Variants in EPHA6 observed in about 807,000 individuals in gnomAD.
EPHA6 encodes ephrin type-A receptor 6.
Under a neutral mutation model 112.0 loss-of-function variants are expected in EPHA6, and 50 were observed. That is an observed-to-expected ratio of 0.45 (90% CI 0.36 to 0.56). EPHA6 has a LOEUF of 0.56. Among genes scored for constraint, EPHA6 ranks in the 20% least tolerant of loss-of-function variants. The probability of loss-of-function intolerance (pLI) is 0.00; values close to 1 mark genes in which losing one functional copy is unlikely to be tolerated. For synonymous variants in EPHA6, 529 were observed against 490.7 expected, an observed-to-expected ratio of 1.08 and a Z score of -1.03; for missense variants, 1,280 against 1,417.4, an observed-to-expected ratio of 0.90 and a Z score of 1.56.
At chr3:97,536,153 A>G in intron 11 of EPHA6, among the ~76,000 whole-genome samples, 1 of 152,198 alleles carries the variant, frequency 6.6e-6, no homozygotes, top group East Asian at 1.9e-4. Flanking sequence ...ACAGACTTGT[A>G]GCCATTAATA....
intron 5 of EPHA6, among the ~76,000 whole-genome samples, chr3:97,274,618 G>C (rs1262174073): frequency 1.3e-5 from 2 of 152,106 alleles, no homozygotes; most frequent in Admixed American, 1.3e-4. Context: ...CTTGTTGAGA[G>C]GTAGTGGAGG....
At chr3:97,285,802 G>A (rs2080445644) in intron 5 of EPHA6, among the ~76,000 whole-genome samples, 1 of 151,958 alleles carries the variant, frequency 6.6e-6, no homozygotes, top group Admixed American at 6.6e-5. Flanking sequence ...TTTATTTTGA[G>A]AAATCTTTAT....
At chr3:97,083,688 T>G (rs1193172346) in intron 3 of EPHA6, among the ~76,000 whole-genome samples, 1 of 152,040 alleles carries the variant, frequency 6.6e-6, no homozygotes, top group Non-Finnish European at 1.5e-5. Flanking sequence ...TTACCACTAC[T>G]TCAAATCTTT....
At chr3:96,996,908 T>C (rs924228569) in intron 3 of EPHA6, among the ~76,000 whole-genome samples, 1 of 152,068 alleles carries the variant, frequency 6.6e-6, no homozygotes, top group African/African-American at 2.4e-5. Context: ...TCCTTTCTAG[T>C]TACAAAAGGA....
chr3:97,462,106 T>C (rs573998134), intron 7 of EPHA6, among the ~76,000 whole-genome samples: 3 of 152,294 alleles, frequency 2.0e-5, no homozygotes, highest in African/African-American at 7.2e-5. Context: ...TAAATTCTGG[T>C]TCTGTCCTTT....
intron 3 of EPHA6, among the ~76,000 whole-genome samples, chr3:97,051,183 A>C (rs539410210): frequency 1.3e-5 from 2 of 152,194 alleles, no homozygotes; most frequent in Non-Finnish European, 2.9e-5. Context: ...TTTGTTTAAC[A>C]CTAAATAGTC....
At chr3:97,069,632 G>A (rs1001701923) in intron 3 of EPHA6, among the ~76,000 whole-genome samples, 1 of 152,014 alleles carries the variant, frequency 6.6e-6, no homozygotes, top group Non-Finnish European at 1.5e-5. Context: ...CACCCAAACA[G>A]CATCTGTATG....
intron 1 of EPHA6, among the ~76,000 whole-genome samples, chr3:96,849,914 A>G (rs915550283): frequency 1.3e-5 from 2 of 152,162 alleles, no homozygotes; most frequent in Non-Finnish European, 2.9e-5. Context: ...ATCATTCAAG[A>G]ATTGCCAGCT....
chr3:97,378,166 C>T (rs2085484843), intron 5 of EPHA6, among the ~76,000 whole-genome samples: 1 of 152,056 alleles, frequency 6.6e-6, no homozygotes. Flanking sequence ...TGCCCTGCGT[C>T]CCAGCCCCTT....
At chr3:97,435,403 A>G (rs1169022526) in intron 6 of EPHA6, among the ~76,000 whole-genome samples, 2 of 152,174 alleles carry the variant, frequency 1.3e-5, no homozygotes, top group Non-Finnish European at 2.9e-5. Context: ...AAAAATAGTT[A>G]ATTCATAAAA....
intron 5 of EPHA6, among the ~76,000 whole-genome samples, chr3:97,385,287 A>G (rs1246130091): frequency 6.6e-6 from 1 of 152,224 alleles, no homozygotes; most frequent in African/African-American, 2.4e-5. Context: ...GAAAAGGCAC[A>G]TTTGAACCAA....
At chr3:97,423,458 T>A (rs2088845583) in intron 6 of EPHA6, among the ~76,000 whole-genome samples, 1 of 151,968 alleles carries the variant, frequency 6.6e-6, no homozygotes, top group African/African-American at 2.4e-5. Context: ...AGGTGAAAGA[T>A]CTCTACAATG....
intron 10 of EPHA6, among the ~76,000 whole-genome samples, chr3:97,499,430 T>G (rs1351602854): frequency 6.6e-6 from 1 of 152,184 alleles, no homozygotes; most frequent in Non-Finnish European, 1.5e-5. Flanking sequence ...ATACAAAACA[T>G]ACAAACAGCA....
In EPHA6 at chr3:97,316,687, A is replaced by T. The variant is rs552208483; in HGVS notation, c.1606+72400A>T. ...GAACTATTGACATTTTTCAGCTAAA[A>T]TGCCAACTCTAATGTGAAATCAACT... On this transcript the variant is annotated intron_variant, in intron 5 of 17. Coordinates refer to ENST00000389672, the MANE Select transcript of EPHA6 (RefSeq NM_001080448.3). Among the ~76,000 whole-genome samples, 2 of 152,096 alleles carry T rather than the reference A, an allele frequency of 1.3e-5. 1 individual carries two copies. Among genetic ancestry groups the T allele is most frequent in the African/African-American group, 4.8e-5 (2 of 41,492 alleles).
chr3:97,478,977 T>G (rs1369012665), intron 8 of EPHA6, among the ~76,000 whole-genome samples: 2 of 152,160 alleles, frequency 1.3e-5, no homozygotes, highest in Non-Finnish European at 2.9e-5. Flanking sequence ...TCAAAATGCT[T>G]TTTTTATTTT....
At chr3:97,031,485 A>G in intron 3 of EPHA6, among the ~76,000 whole-genome samples, 1 of 152,186 alleles carries the variant, frequency 6.6e-6, no homozygotes, top group Non-Finnish European at 1.5e-5. Flanking sequence ...ACAGCAAAAG[A>G]AACCACCATC....
intron 10 of EPHA6, among the ~76,000 whole-genome samples, chr3:97,514,462 A>G (rs1327509451): frequency 1.3e-5 from 2 of 152,138 alleles, no homozygotes; most frequent in Admixed American, 1.3e-4. Flanking sequence ...CTTTTTTGCT[A>G]AACATGGTAA....
intron 1 of EPHA6, among the ~76,000 whole-genome samples, chr3:96,829,210 A>G (rs1259837699): frequency 6.6e-6 from 1 of 152,168 alleles, no homozygotes; most frequent in African/African-American, 2.4e-5. Context: ...TTAAAAAGAA[A>G]TTTGATGGGA....
chr3:96,856,809 T>C (rs891858720), intron 1 of EPHA6, among the ~76,000 whole-genome samples: 1 of 152,136 alleles, frequency 6.6e-6, no homozygotes, highest in South Asian at 2.1e-4. Flanking sequence ...TTTGGTCTTT[T>C]GAATGGATTT....
Sources: gnomAD v4.1 joint callset for allele counts (sites outside exome capture counted in the v4.1 genomes callset) on GRCh38, gnomAD v4.1.1 for gene constraint, MANE v1.5 for transcripts, NCBI Gene and HGNC (gene_info 2026-07-23, HGNC 2026-07-21) for gene names.